The following TMEM131L variants were observed in gnomAD, a reference collection of about 807,000 sequenced individuals.
The protein encoded by TMEM131L is transmembrane 131 like, also known as transmembrane protein 131-like.
In TMEM131L, 54 loss-of-function variants were observed where a neutral mutation model predicts 192.2. The ratio of observed to expected loss-of-function variants is 0.28; its 90% CI spans 0.23 to 0.35. TMEM131L has a LOEUF of 0.35. Ranked by LOEUF, TMEM131L falls within the 10% of genes least tolerant of loss-of-function variation. The pLI is 1.00. For synonymous variants in TMEM131L, 701 were observed against 704.9 expected (o/e 0.99, Z 0.09); for missense variants, 1,888 against 1,972.9 (o/e 0.96, Z 0.82).
intron 25 of TMEM131L, among the ~76,000 whole-genome samples, chr4:153,605,790 A>G (rs760344405): frequency 6.6e-6 from 1 of 152,194 alleles, no homozygotes; most frequent in Non-Finnish European, 1.5e-5. Context: ...TGGATTGACT[A>G]CTTCTGATGA....
rs766674848 is a variant in TMEM131L at position 153,586,287 on chromosome 4, A to G, written c.1390A>G (p.Ile464Val). The G allele has an allele frequency of 1.9e-6, 3 of 1,604,704 alleles. No individual in the cohort carries two copies. Among genetic ancestry groups the G allele is most frequent in the Admixed American group, 3.4e-5 (2 of 58,390 alleles). The change falls in exon 14 of 35, where the codon ATT becomes GTT. Residue 464 changes from isoleucine (I) to valine (V), a missense_variant. Ile to Val is a conservative substitution (Grantham distance 29, BLOSUM62 3). Transcript: ENST00000409959. ...IFSLKLAVKD[I>V]AINLFTNVFL... is the part of the protein sequence containing the mutation. ...TTCTTTGAAACTTGCTGTTAAAGAC[A>G]TTGCCATAAATCTATTCACCAATGT...
intron 2 of TMEM131L, among the ~76,000 whole-genome samples, chr4:153,470,897 G>T (rs1191934733): frequency 6.6e-6 from 1 of 152,172 alleles, no homozygotes; most frequent in African/African-American, 2.4e-5. Flanking sequence ...GTCATTCAGG[G>T]CCTGTCCTTC....
intron 4 of TMEM131L, among the ~76,000 whole-genome samples, chr4:153,550,420 G>A (rs537670163): frequency 5.9e-5 from 9 of 152,146 alleles, no homozygotes; most frequent in East Asian, 3.9e-4. Context: ...TCTGCCTCCC[G>A]GGTTTACGCC....
chr4:153,514,820 C>T lies in TMEM131L; in HGVS notation c.240-35253C>T, dbSNP rs57457791. Among the ~76,000 whole-genome samples the T allele has an allele frequency of 2.7e-3, 403 of 149,336 alleles. 1 individual carries two copies. The highest frequency in any genetic ancestry group is 8.7e-3 in the African/African-American group (357 of 41,050). ...TTACTTCACCCTGTTTTTTTCTTTT[C>T]TTTTTTTTTTGAGATGGAGTCTCGC... On this transcript the variant is annotated intron_variant, in intron 3 of 34. Transcript: ENST00000409959.
intron 3 of TMEM131L, among the ~76,000 whole-genome samples, chr4:153,543,797 A>C (rs1430183870): frequency 1.3e-5 from 2 of 152,228 alleles, no homozygotes; most frequent in Non-Finnish European, 2.9e-5. Context: ...AGATTAATGC[A>C]GGGATTTCTG....
In TMEM131L at chr4:153,620,737, T is replaced by C; in HGVS notation, c.3568-19T>C. 6.9e-7 allele frequency: 1 copy of C among 1,455,188 alleles called. No individual in the cohort carries two copies. The highest frequency in any genetic ancestry group is 9.4e-7 in the Non-Finnish European group (1 of 1,065,574). The allele number at this position is 1,455,188 out of a possible 1,614,324, so 90.1% of individuals were successfully genotyped here. On this transcript the variant is annotated intron_variant, in intron 26 of 34. Transcript: ENST00000409959. ...CATATTTAGTTTAAACCATTAAACA[T>C]TTACTTTCTCTTCTTTAGCAAGAAG...
chr4:153,467,286 GGAC>G lies in TMEM131L; in HGVS notation c.195+9_195+11del. On this transcript the variant is annotated splice_donor_region_variant and intron_variant, in intron 2 of 34. Transcript: ENST00000409959. ...GAACTCCTGCTGCCCACTCAGGTGA[GGAC>G]GACCAGGTGACAGGGCGGCTGTGGG... 6.4e-7 allele frequency: 1 copy of G among 1,551,404 alleles called. No homozygotes were observed.
chr4:153,499,778 C>T (rs759808654), intron 3 of TMEM131L, among the ~76,000 whole-genome samples: 7 of 152,130 alleles, frequency 4.6e-5, no homozygotes, highest in Non-Finnish European at 7.4e-5. Flanking sequence ...GAGCACTTCA[C>T]GTGATGGGAA....
intron 29 of TMEM131L, 34 bp downstream of exon 29, chr4:153,623,117 T>A (rs368037164): frequency 3.2e-5 from 49 of 1,526,596 alleles, no homozygotes; most frequent in Non-Finnish European, 4.3e-5. Context: ...GCACTCTCGG[T>A]GGCCCTTCCC....
At position 153,529,166 on chromosome 4, in the gene TMEM131L, A is replaced by T. The variant is rs189581082; in HGVS notation, c.240-20907A>T. 4.6e-5 allele frequency among the ~76,000 whole-genome samples: 7 copies of T among 151,892 alleles called. No homozygotes were observed. The East Asian group carries it at 1.4e-3, about 29-fold the overall frequency. The stretch of plus-strand genomic sequence containing the variant: ...ATGACACTTAACCTCATGTCTTTGA[A>T]CCTTGACTTTCATCTGTAGAAAATG... On this transcript the variant is annotated intron_variant, in intron 3 of 34. Coordinates refer to ENST00000409959, the MANE Select transcript of TMEM131L (RefSeq NM_001131007.2).
intron 16 of TMEM131L, among the ~76,000 whole-genome samples, chr4:153,589,212 T>C (rs1401590067): frequency 6.6e-6 from 1 of 152,210 alleles, no homozygotes; most frequent in African/African-American, 2.4e-5. Flanking sequence ...TTACTGTAAA[T>C]CTTAGCAGTC....
chr4:153,603,101 A>C, intron 23 of TMEM131L, among the ~76,000 whole-genome samples: 1 of 152,222 alleles, frequency 6.6e-6, no homozygotes, highest in Admixed American at 6.5e-5. Flanking sequence ...GTAATGTCAA[A>C]TTTATAAATA....
At position 153,466,442 on chromosome 4, in the gene TMEM131L, C is replaced by A; in HGVS notation, c.45C>A (p.Thr15=). 1 of 1,413,324 alleles carries A rather than the reference C, an allele frequency of 7.1e-7. No individual in the cohort carries two copies. The highest frequency in any genetic ancestry group is 9.3e-7 in the Non-Finnish European group (1 of 1,076,626). The allele number at this position is 1,413,324 out of a possible 1,614,324, so 87.5% of individuals were successfully genotyped here. Residue 15 remains threonine (T), a synonymous_variant, in exon 1 of 35, where the codon ACC becomes ACA. Transcript: ENST00000409959. The stretch of plus-strand genomic sequence containing the variant: ...CGCAGCCCGGCTGCTACTGCCGCAC[C>A]GCGGCGGCCGTGAACCTCCTGCTGG... ...RRPQPGCYCR[T]AAAVNLLLGV... is the part of the protein sequence containing the mutation.
intron 3 of TMEM131L, among the ~76,000 whole-genome samples, chr4:153,526,541 C>T (rs573473308): frequency 1.8e-3 from 280 of 151,796 alleles, no homozygotes; most frequent in South Asian, 6.9e-3. Context: ...GAGACCATCC[C>T]GGCTAACACG....
intron 8 of TMEM131L, 58 bp downstream of exon 8, chr4:153,580,961 A>G (rs1323573028): frequency 3.2e-6 from 4 of 1,259,430 alleles, no homozygotes; most frequent in Non-Finnish European, 4.6e-6. Context: ...TTGCTTAAAA[A>G]TAAAACACAA....
At chr4:153,480,151 A>G (rs1385617653) in intron 3 of TMEM131L, among the ~76,000 whole-genome samples, 1 of 152,204 alleles carries the variant, frequency 6.6e-6, no homozygotes, top group Admixed American at 6.5e-5. Flanking sequence ...CATCCTGGCT[A>G]ACAGGGTGAA....
chr4:153,618,318 TA>T (rs562427306), intron 26 of TMEM131L, among the ~76,000 whole-genome samples: 33 of 144,794 alleles, frequency 2.3e-4, no homozygotes, highest in Admixed American at 7.6e-4. Context: ...CTGCAGAAAA[TA>T]AAAAAAAAAT....
At chr4:153,597,103 A>G (rs1258487548) in intron 20 of TMEM131L, among the ~76,000 whole-genome samples, 1 of 152,092 alleles carries the variant, frequency 6.6e-6, no homozygotes, top group Non-Finnish European at 1.5e-5. Flanking sequence ...AAAATTTATT[A>G]TTCAGAATTT....
rs181931759 is a variant in TMEM131L, at chr4:153,566,973, G to A, written c.660+8605G>A. Reference sequence around the variant, plus strand: ...GGGACAGGTGCTGGGCAAAGGTTGCGGTCCCGGGCTGCCTACAGCGTGGTG... The same window carrying A: ...GGGACAGGTGCTGGGCAAAGGTTGCAGTCCCGGGCTGCCTACAGCGTGGTG... On this transcript the variant is annotated intron_variant, in intron 7 of 34. Transcript: ENST00000409959. Among the ~76,000 whole-genome samples, 6 of 152,376 alleles carry A rather than the reference G, an allele frequency of 3.9e-5. No individual in the cohort carries two copies. In the East Asian group the frequency reaches 5.8e-4, roughly 15 times the overall value.
Sources: gnomAD v4.1 joint callset for allele counts (sites outside exome capture counted in the v4.1 genomes callset) on GRCh38, gnomAD v4.1.1 for gene constraint, MANE v1.5 for transcripts, NCBI Gene and HGNC (gene_info 2026-07-23, HGNC 2026-07-21) for gene names.